The following TYR variants were observed in gnomAD, a reference collection of about 807,000 sequenced individuals.
TYR encodes the protein LB24-AB.
Under a neutral mutation model 51.5 loss-of-function variants are expected in TYR, and 58 were observed. The ratio of observed to expected loss-of-function variants is 1.13; its 90% CI spans 0.91 to 1.40. TYR has a LOEUF of 1.40. Ranked by LOEUF, TYR falls within the 40% of genes most tolerant of loss-of-function variation. TYR has a pLI of 0.00. For missense variants in TYR, 732 were observed against 647.4 expected (o/e 1.13, Z -1.42); for synonymous variants, 263 against 235.2 (o/e 1.12, Z -1.08).
chr11:89,251,201 ATGAATT>A (rs1944327397), intron 3 of TYR, among the ~76,000 whole-genome samples: 1 of 151,926 alleles, frequency 6.6e-6, no homozygotes, highest in African/African-American at 2.4e-5. Context: ...CAAAGGAAAA[ATGAATT>A]AAAGAACAAT....
At chr11:89,276,008 C>G (rs145345112) in intron 3 of TYR, among the ~76,000 whole-genome samples, 291 of 151,984 alleles carry the variant, frequency 1.9e-3, no homozygotes, top group African/African-American at 6.6e-3. Context: ...TTATTGCTAA[C>G]TTTGTCATCT....
intron 2 of TYR, among the ~76,000 whole-genome samples, chr11:89,214,992 T>C (rs1943813550): frequency 6.6e-6 from 1 of 152,202 alleles, no homozygotes; most frequent in Non-Finnish European, 1.5e-5. Flanking sequence ...GTTACAGCTT[T>C]GATTTTTAGT....
intron 2 of TYR, among the ~76,000 whole-genome samples, chr11:89,210,634 T>C (rs984419240): frequency 6.6e-6 from 1 of 152,012 alleles, no homozygotes; most frequent in African/African-American, 2.4e-5. Flanking sequence ...AAGATACTCC[T>C]CGAGAAGAGC....
At position 89,227,970 on chromosome 11, in the gene TYR, G is replaced by A. The variant is rs752344007; in HGVS notation, c.1184G>A (p.Ser395Asn). Reference protein sequence around the residue: ...IFLLHHAFVDSIFEQWLRRHR... With the variant: ...IFLLHHAFVDNIFEQWLRRHR... ...CTTCTTCACCATGCATTTGTTGACAGGTTGGTTAATATTTCTTTATAAATA... is the reference window on the plus strand; with the variant it reads ...CTTCTTCACCATGCATTTGTTGACAAGTTGGTTAATATTTCTTTATAAATA... Residue 395 changes from serine (S) to asparagine (N), a missense_variant and splice_region_variant, in exon 3 of 5, where the codon AGT (serine) becomes AAT (asparagine). Transcript: ENST00000263321. 2 of 1,613,078 alleles carry A rather than the reference G, an allele frequency of 1.2e-6. No homozygotes were observed. Among genetic ancestry groups the A allele is most frequent in the African/African-American group, 1.3e-5 (1 of 74,942 alleles).
chr11:89,286,435 C>T (rs1302517514), intron 4 of TYR, among the ~76,000 whole-genome samples: 1 of 151,826 alleles, frequency 6.6e-6, no homozygotes, highest in African/African-American at 2.4e-5. Flanking sequence ...GTGCCCTATG[C>T]ATTACTTCCT....
Position 89,177,986 on chromosome 11 carries a change from GAGT to G in TYR, c.34_36del (p.Ser12del), listed in dbSNP as rs1943245505. 6.2e-7 allele frequency: 1 copy of G among 1,614,062 alleles called. No individual in the cohort carries two copies. Among genetic ancestry groups the G allele is most frequent in the South Asian group, 1.1e-5 (1 of 91,090 alleles). On this transcript the variant is annotated inframe_deletion, in exon 1 of 5. Transcript: ENST00000263321. The stretch of plus-strand genomic sequence containing the variant: ...TGGCTGTTTTGTACTGCCTGCTGTG[GAGT>G]TTCCAGACCTCCGCTGGCCATTTCC...
intron 3 of TYR, among the ~76,000 whole-genome samples, chr11:89,251,984 C>T (rs1421447962): frequency 2.0e-5 from 3 of 151,804 alleles, no homozygotes; most frequent in Admixed American, 2.0e-4. Context: ...TAAGTTGCGT[C>T]GCCTTCAGTT....
At chr11:89,241,804 C>G (rs1277359623) in intron 3 of TYR, among the ~76,000 whole-genome samples, 3 of 146,890 alleles carry the variant, frequency 2.0e-5, no homozygotes, top group Non-Finnish European at 3.0e-5. Context: ...ATTTTATATA[C>G]TATATAATAT....
intron 3 of TYR, among the ~76,000 whole-genome samples, chr11:89,252,712 C>G (rs557624434): frequency 8.6e-5 from 13 of 151,768 alleles, no homozygotes; most frequent in African/African-American, 2.9e-4. Flanking sequence ...TTTCAAGGAA[C>G]AGATTGATTA....
At chr11:89,203,510 T>C (rs1451503103) in intron 2 of TYR, among the ~76,000 whole-genome samples, 1 of 152,188 alleles carries the variant, frequency 6.6e-6, no homozygotes, top group East Asian at 1.9e-4. Flanking sequence ...GACTTCTACT[T>C]CTGGGAAGGT....
At chr11:89,187,156 G>T (rs1031662080) in intron 1 of TYR, among the ~76,000 whole-genome samples, 1 of 152,086 alleles carries the variant, frequency 6.6e-6, no homozygotes, top group African/African-American at 2.4e-5. Flanking sequence ...GAGACTGTGG[G>T]ATACCTATTC....
intron 3 of TYR, among the ~76,000 whole-genome samples, chr11:89,268,234 G>A (rs1444669104): frequency 2.0e-5 from 3 of 151,820 alleles, no homozygotes; most frequent in Non-Finnish European, 2.9e-5. Flanking sequence ...GCATACAGTG[G>A]TATATGAGCT....
intron 2 of TYR, among the ~76,000 whole-genome samples, chr11:89,226,206 T>C (rs766531277): frequency 3.9e-5 from 6 of 152,068 alleles, no homozygotes; most frequent in African/African-American, 1.4e-4. Context: ...AAGTAAACCA[T>C]TGTATTTAGG....
chr11:89,256,613 A>G (rs1944394960), intron 3 of TYR, among the ~76,000 whole-genome samples: 2 of 151,932 alleles, frequency 1.3e-5, no homozygotes, highest in Admixed American at 6.6e-5. Flanking sequence ...ATATTTGAAA[A>G]TTCAAAAGTG....
chr11:89,192,356 TG>T (rs1403855756), intron 2 of TYR, among the ~76,000 whole-genome samples: 1 of 152,028 alleles, frequency 6.6e-6, no homozygotes, highest in African/African-American at 2.4e-5. Context: ...ACCAGGAGTT[TG>T]GGGAAGACAT....
chr11:89,190,119 T>G (rs79107153), intron 1 of TYR, among the ~76,000 whole-genome samples: 1 of 152,142 alleles, frequency 6.6e-6, no homozygotes, highest in Admixed American at 6.6e-5. Flanking sequence ...TAAACAACTA[T>G]GTTACTGGTT....
chr11:89,274,213 CT>C (rs1944624153), intron 3 of TYR, among the ~76,000 whole-genome samples: 2 of 151,770 alleles, frequency 1.3e-5, no homozygotes, highest in African/African-American at 4.8e-5. Context: ...GTATGATTCT[CT>C]TTTTATATTT....
At chr11:89,193,141 G>A (rs1267573311) in intron 2 of TYR, among the ~76,000 whole-genome samples, 1 of 152,138 alleles carries the variant, frequency 6.6e-6, no homozygotes, top group African/African-American at 2.4e-5. Context: ...GGACTCTTCA[G>A]GGATTAACAA....
intron 2 of TYR, among the ~76,000 whole-genome samples, chr11:89,196,335 T>A (rs1399338205): frequency 6.6e-5 from 10 of 152,074 alleles, no homozygotes. Flanking sequence ...AAATAAATAA[T>A]GTTTCTGGAG....
Sources: gnomAD v4.1 joint callset for allele counts (sites outside exome capture counted in the v4.1 genomes callset) on GRCh38, gnomAD v4.1.1 for gene constraint, MANE v1.5 for transcripts, NCBI Gene and HGNC (gene_info 2026-07-23, HGNC 2026-07-21) for gene names.